ADH1A: variants seen among roughly 807,000 people sequenced by gnomAD.
ADH1A encodes alcohol dehydrogenase 1A (class I), alpha polypeptide.
In ADH1A, 29 loss-of-function variants were observed where a neutral mutation model predicts 35.2. The ratio of observed to expected loss-of-function variants is 0.82; its 90% CI spans 0.61 to 1.12. The LOEUF is 1.12. Among genes scored for constraint, ADH1A ranks in the 50% most tolerant of loss-of-function variants. The pLI, the probability that ADH1A is intolerant of heterozygous loss-of-function variation, is 0.00. For synonymous variants in ADH1A, 147 were observed against 164.8 expected, an observed-to-expected ratio of 0.89 and a Z score of 0.83; for missense variants, 469 against 464.7, an observed-to-expected ratio of 1.01 and a Z score of -0.09.
chr4:99,278,614 C>T (rs888056529), intron 8 of ADH1A: 1 of 151,908 alleles, frequency 6.6e-6, no homozygotes, highest in Non-Finnish European at 1.5e-5. Flanking sequence ...TTGTGAGTGC[C>T]AAAGAAACAC....
At chr4:99,280,389 A>G (rs776655477) in intron 6 of ADH1A, 110 bp from the exon 7 acceptor site, 16 of 1,545,968 alleles carry the variant, frequency 1.0e-5, no homozygotes, top group Non-Finnish European at 1.4e-5. Context: ...TGTAGAGGGA[A>G]GAGATTATGT....
Position 99,282,362 on chromosome 4 carries a change from C to T in ADH1A, c.812G>A (p.Gly271Asp), listed in dbSNP as rs754271044. 6.2e-7 allele frequency: 1 copy of T among 1,614,154 alleles called. No individual in the cohort carries two copies. Among genetic ancestry groups the T allele is most frequent in the Non-Finnish European group, 8.5e-7 (1 of 1,180,014 alleles). Residue 271 changes from glycine to aspartate, a missense_variant, in exon 6 of 9, where the codon GGT (glycine) becomes GAT (aspartate). By Grantham distance (94) the Gly-to-Asp change is moderately conservative. Coordinates refer to ENST00000209668, the MANE Select transcript of ADH1A (RefSeq NM_000667.4). ...GGTACATACCATGGTGTCAAGCCGA[C>T]CGATGACTTCAAATGAAAAATCCAC... The part of the protein sequence containing the change: ...GGVDFSFEVI[G>D]RLDTMMASLL...
intron 5 of ADH1A, 105 bp from the exon 6 acceptor site, chr4:99,282,711 A>G: frequency 6.6e-7 from 1 of 1,510,412 alleles, no homozygotes; most frequent in Non-Finnish European, 8.9e-7. Flanking sequence ...TCTGTTATCA[A>G]AACCTCTTTT....
chr4:99,288,270 T>C (rs1039029624), intron 1 of ADH1A, among the ~76,000 whole-genome samples: 1 of 152,164 alleles, frequency 6.6e-6, no homozygotes, highest in Non-Finnish European at 1.5e-5. Flanking sequence ...TGTACTGTTA[T>C]CTGATCTATG....
At chr4:99,279,038 T>C (rs1039265849) in intron 8 of ADH1A, among the ~76,000 whole-genome samples, 4 of 152,126 alleles carry the variant, frequency 2.6e-5, no homozygotes, top group Non-Finnish European at 5.9e-5. Context: ...ATTATTTAAA[T>C]ATACAGCCAC....
Position 99,280,214 on chromosome 4 carries a change from A to T in ADH1A, c.894T>A (p.Asp298Glu), listed in dbSNP as rs747502508. 6.2e-7 allele frequency: 1 copy of T among 1,613,912 alleles called. No homozygotes were observed. The highest frequency in any genetic ancestry group is 8.5e-7 in the Non-Finnish European group (1 of 1,179,858). Residue 298 changes from aspartate to glutamate, a missense_variant, in exon 7 of 9, where the codon GAT becomes GAA. Physicochemically the swap from Asp to Glu is conservative, Grantham distance 45. Coordinates refer to ENST00000209668, the MANE Select transcript of ADH1A (RefSeq NM_000667.4). ...TAGGGTTCATTGAGAGGTTTTGGGA[A>T]TCAGGAGGTACCCCTACGATGACAC... ...GTSVIVGVPPDSQNLSMNPML... is the reference protein window; with the variant it reads ...GTSVIVGVPPESQNLSMNPML...
intron 6 of ADH1A, chr4:99,281,337 G>T (rs970225879): frequency 6.6e-6 from 1 of 152,218 alleles, no homozygotes; most frequent in Non-Finnish European, 1.5e-5. Context: ...TATAGCTAGA[G>T]ATGTGTTTCC....
intron 8 of ADH1A, among the ~76,000 whole-genome samples, chr4:99,279,132 T>C (rs909209365): frequency 6.6e-6 from 1 of 152,098 alleles, no homozygotes. Flanking sequence ...GACTTTTTTT[T>C]TTTTGGCAAA....
At chr4:99,287,534 C>G (rs1560519332) in intron 2 of ADH1A, 30 bp downstream of exon 2, 1 of 1,592,508 alleles carries the variant, frequency 6.3e-7, no homozygotes, top group Admixed American at 1.8e-5. Context: ...GTTTTTAAAA[C>G]TTAAATACAA....
chr4:99,280,131 C>T lies in ADH1A; in HGVS notation c.964+13G>A. 3 of 1,613,692 alleles carry T rather than the reference C, an allele frequency of 1.9e-6. No homozygotes were observed. Among genetic ancestry groups the T allele is most frequent in the Non-Finnish European group, 2.5e-6 (3 of 1,179,740 alleles). ...GGTTAATGAGAATTTGGCTCTGAAG[C>T]CTAACTACATACCACCAAGAATAGC... is the stretch of plus-strand genomic sequence containing the variant. On this transcript the variant is annotated intron_variant, in intron 7 of 8. Coordinates refer to ENST00000209668, the MANE Select transcript of ADH1A (RefSeq NM_000667.4).
intron 1 of ADH1A, among the ~76,000 whole-genome samples, chr4:99,289,590 CACA>C (rs1733241503): frequency 6.6e-6 from 1 of 152,236 alleles, no homozygotes; most frequent in Non-Finnish European, 1.5e-5. Flanking sequence ...ATTATCACAA[CACA>C]ACTACTTTAT....
chr4:99,279,372 C>T, intron 8 of ADH1A, 54 bp downstream of exon 8: 1 of 1,546,408 alleles, frequency 6.5e-7, no homozygotes, highest in Non-Finnish European at 8.7e-7. Context: ...TTCTGCTAGA[C>T]AATCCCCTAT....
Position 99,280,186 on chromosome 4 carries a change from G to A in ADH1A, c.922C>T (p.Leu308=). Reference sequence around the variant, plus strand: ...TTCCAGGTACGTCCAGTCAGTAGCAGCATAGGGTTCATTGAGAGGTTTTGG... The same window carrying A: ...TTCCAGGTACGTCCAGTCAGTAGCAACATAGGGTTCATTGAGAGGTTTTGG... The part of the protein sequence containing the change: ...DSQNLSMNPM[L]LLTGRTWKGA... The change falls in exon 7 of 9, where the codon CTG becomes TTG. Residue 308 remains leucine, a synonymous_variant. Coordinates refer to ENST00000209668, the MANE Select transcript of ADH1A (RefSeq NM_000667.4). The A allele has an allele frequency of 1.9e-6, 3 of 1,613,852 alleles. No homozygotes were observed. Among genetic ancestry groups the A allele is most frequent in the Non-Finnish European group, 2.5e-6 (3 of 1,179,868 alleles).
intron 3 of ADH1A, 34 bp downstream of exon 3, chr4:99,286,816 G>A: frequency 1.2e-6 from 2 of 1,609,460 alleles, no homozygotes; most frequent in Non-Finnish European, 1.7e-6. Context: ...TTAGGATGGT[G>A]AACCATCATG....
At chr4:99,282,721 T>G (rs1209699255) in intron 5 of ADH1A, 115 bp from the exon 6 acceptor site, 1 of 1,469,162 alleles carries the variant, frequency 6.8e-7, no homozygotes, top group East Asian at 2.3e-5. Flanking sequence ...AAACCTCTTT[T>G]GGCTTCAGTT....
chr4:99,276,499 C>T lies in ADH1A; in HGVS notation c.*125G>A. On this transcript the variant is annotated 3_prime_UTR_variant, in exon 9 of 9. Coordinates refer to ENST00000209668, the MANE Select transcript of ADH1A (RefSeq NM_000667.4). Reference sequence around the variant, plus strand: ...TCAATTTCCATTTCTTTGGAAAGCCCCCAAATGTAATTTATTGATAAAATC... The same window carrying T: ...TCAATTTCCATTTCTTTGGAAAGCCTCCAAATGTAATTTATTGATAAAATC... The T allele has an allele frequency of 4.5e-6, 4 of 879,626 alleles. No homozygotes were observed. The highest frequency in any genetic ancestry group is 7.4e-6 in the Non-Finnish European group (4 of 541,932). 54.5% of individuals were successfully genotyped at this position (879,626 alleles called of 1,614,324 possible).
intron 2 of ADH1A, among the ~76,000 whole-genome samples, chr4:99,287,228 G>T (rs1044951283): frequency 5.3e-5 from 8 of 152,132 alleles, no homozygotes; most frequent in African/African-American, 1.9e-4. Context: ...TCCTGAAATA[G>T]TTAAGTCTTA....
Position 99,284,471 on chromosome 4 carries a change from C to A in ADH1A, c.495G>T (p.Ser165=), listed in dbSNP as rs755100175. The A allele has an allele frequency of 6.2e-7, 1 of 1,614,160 alleles. No homozygotes were observed. The highest frequency in any genetic ancestry group is 1.1e-5 in the South Asian group (1 of 91,074). Residue 165 remains serine (S), a synonymous_variant, in exon 5 of 9, where the codon TCG becomes TCT. Transcript: ENST00000209668. ...ENAVAKIDAA[S]PLEKVCLIGC... ...CAATGAGACAGACTTTCTCTAGAGG[C>A]GAGGCTGCATCAATTTTGGCTACTG...
At chr4:99,286,789 A>G in intron 3 of ADH1A, 61 bp downstream of exon 3, 6 of 1,595,466 alleles carry the variant, frequency 3.8e-6, no homozygotes, top group Non-Finnish European at 3.4e-6. Context: ...CTGTTTCCTC[A>G]TTCAGGCTGG....
Sources: gnomAD v4.1 joint callset for allele counts (sites outside exome capture counted in the v4.1 genomes callset) on GRCh38, gnomAD v4.1.1 for gene constraint, MANE v1.5 for transcripts, NCBI Gene and HGNC (gene_info 2026-07-23, HGNC 2026-07-21) for gene names.